COL4A1: variants seen among roughly 807,000 people sequenced by gnomAD.
COL4A1 encodes collagen alpha-1(IV) chain.
In COL4A1, 40 loss-of-function variants were observed where a neutral mutation model predicts 216.6. That is an observed-to-expected ratio of 0.18 (90% confidence interval 0.14 to 0.24). The LOEUF is 0.24. Ranked by LOEUF, COL4A1 falls within the 10% of genes least tolerant of loss-of-function variation. The probability of loss-of-function intolerance (pLI) is 1.00; values close to 1 mark genes in which losing one functional copy is unlikely to be tolerated. For synonymous variants in COL4A1, 839 were observed against 810.7 expected, an observed-to-expected ratio of 1.03 and a Z score of -0.59; for missense variants, 1,628 against 2,196.8, an observed-to-expected ratio of 0.74 and a Z score of 5.18.
chr13:110,150,015 AT>A lies in COL4A1; in HGVS notation c.*347del, dbSNP rs1275068665. 2.8e-6 allele frequency: 1 copy of A among 356,032 alleles called. No individual in the cohort carries two copies. The highest frequency in any genetic ancestry group is 4.0e-5 in the Admixed American group (1 of 24,888). The allele number at this position is 356,032 out of a possible 1,614,324, so 22.1% of individuals were successfully genotyped here. A position where few individuals can be genotyped will look rare whatever the true frequency, so the allele number is the denominator to read the frequency against. ...AATTAATTATAATACAAGAATGAAA[AT>A]GGGCAAACAGTATGGAAGGCACCCA... On this transcript the variant is annotated 3_prime_UTR_variant, in exon 52 of 52. Coordinates refer to ENST00000375820, the MANE Select transcript of COL4A1 (RefSeq NM_001845.6).
chr13:110,298,113 A>G (rs1049700546), intron 1 of COL4A1, among the ~76,000 whole-genome samples: 1 of 152,186 alleles, frequency 6.6e-6, no homozygotes, highest in African/African-American at 2.4e-5. Flanking sequence ...TCAACATGAA[A>G]TAATAAAGAA....
rs115735851 is a variant in COL4A1 at position 110,301,799 on chromosome 13, G to A, written c.84+5145C>T. On this transcript the variant is annotated intron_variant, in intron 1 of 51. Coordinates refer to ENST00000375820, the MANE Select transcript of COL4A1 (RefSeq NM_001845.6). ...ATCCTTCCTTACAGTTACCAAAGCC[G>A]TATGTCGAGGAGTAGCAAGGAACGA... Among the ~76,000 whole-genome samples the A allele has an allele frequency of 5.9e-3, 893 of 152,280 alleles. 9 individuals carry two copies. Among genetic ancestry groups the A allele is most frequent in the African/African-American group, 0.02 (832 of 41,544 alleles).
In COL4A1 at chr13:110,149,197, G is replaced by C. The variant is rs1446256618; in HGVS notation, c.*1166C>G. The stretch of plus-strand genomic sequence containing the variant: ...AATGTCATTTCAGGCCTAGTGGTCC[G>C]AATCTGCCCTCCTGCGGTCCATGCG... On this transcript the variant is annotated 3_prime_UTR_variant, in exon 52 of 52. Coordinates refer to ENST00000375820, the MANE Select transcript of COL4A1 (RefSeq NM_001845.6). 1 of 154,698 alleles carries C rather than the reference G, an allele frequency of 6.5e-6. No homozygotes were observed. The highest frequency in any genetic ancestry group is 2.4e-5 in the African/African-American group (1 of 41,486). The allele number at this position is 154,698 out of a possible 1,614,324, so 9.6% of individuals were successfully genotyped here. A position where few individuals can be genotyped will look rare whatever the true frequency, so the allele number is the denominator to read the frequency against.
At chr13:110,236,527 G>A (rs1488465494) in intron 2 of COL4A1, among the ~76,000 whole-genome samples, 2 of 152,208 alleles carry the variant, frequency 1.3e-5, no homozygotes, top group African/African-American at 4.8e-5. Context: ...AAAAGAAGAT[G>A]CCTCTTCCAG....
At chr13:110,289,166 T>G (rs1000232875) in intron 1 of COL4A1, among the ~76,000 whole-genome samples, 1 of 152,202 alleles carries the variant, frequency 6.6e-6, no homozygotes, top group African/African-American at 2.4e-5. Flanking sequence ...TGGCGAGTGC[T>G]GGATTCCTAA....
At chr13:110,229,976 G>C (rs921316666) in intron 2 of COL4A1, among the ~76,000 whole-genome samples, 2 of 152,146 alleles carry the variant, frequency 1.3e-5, no homozygotes, top group African/African-American at 4.8e-5. Context: ...CTCCCAGCTT[G>C]GCCCACCAGC....
At chr13:110,165,355 C>T (rs73609546) in intron 45 of COL4A1, among the ~76,000 whole-genome samples, 2,387 of 152,136 alleles carry the variant, frequency 0.016, 80 homozygotes, top group African/African-American at 0.055. Context: ...TGCCACTCTG[C>T]GATTAGGACA....
intron 31 of COL4A1, among the ~76,000 whole-genome samples, 197 bp from the exon 32 acceptor site, chr13:110,178,428 G>T (rs990819516): frequency 6.6e-6 from 1 of 152,186 alleles, no homozygotes; most frequent in Non-Finnish European, 1.5e-5. Flanking sequence ...TAAAAGAAAA[G>T]CACTCCCCTT....
intron 1 of COL4A1, among the ~76,000 whole-genome samples, chr13:110,294,076 G>A (rs567587166): frequency 1.3e-5 from 2 of 152,132 alleles, no homozygotes; most frequent in Admixed American, 6.5e-5. Context: ...CTCCAGGTTT[G>A]AGTAGGCGCT....
intron 1 of COL4A1, among the ~76,000 whole-genome samples, chr13:110,253,912 C>T (rs1882394604): frequency 6.6e-6 from 1 of 151,808 alleles, no homozygotes; most frequent in South Asian, 2.1e-4. Context: ...TGCCCATCAA[C>T]ATGATTAATT....
chr13:110,239,546 A>G (rs1342986083), intron 2 of COL4A1, among the ~76,000 whole-genome samples: 2 of 152,254 alleles, frequency 1.3e-5, no homozygotes, highest in East Asian at 1.9e-4. Context: ...ACATTTGAGA[A>G]TATCAAAATA....
intron 2 of COL4A1, among the ~76,000 whole-genome samples, chr13:110,225,916 A>G (rs1417715014): frequency 6.6e-6 from 1 of 152,244 alleles, no homozygotes; most frequent in Non-Finnish European, 1.5e-5. Flanking sequence ...TTTACCTGGC[A>G]GCATTATTTT....
rs1484362664 is a variant in COL4A1, at chr13:110,178,244, G to A, written c.2459-13C>T. On this transcript the variant is annotated splice_polypyrimidine_tract_variant and intron_variant, in intron 31 of 51. Coordinates refer to ENST00000375820, the MANE Select transcript of COL4A1 (RefSeq NM_001845.6). ...ATTCCAGGAGGGCCTGCAGTTGGGT[G>A]AAACACAAATAACTTTTAGCAGAAT... 1.2e-6 allele frequency: 2 copies of A among 1,613,560 alleles called. No individual in the cohort carries two copies. The highest frequency in any genetic ancestry group is 2.2e-5 in the East Asian group (1 of 44,878).
intron 34 of COL4A1, 54 bp from the exon 35 acceptor site, chr13:110,176,778 G>T: frequency 6.2e-7 from 1 of 1,613,376 alleles, no homozygotes; most frequent in South Asian, 1.1e-5. Context: ...CAAGCAAGTT[G>T]CTGCAGAAAC....
At chr13:110,156,212 T>C (rs892102178) in intron 49 of COL4A1, among the ~76,000 whole-genome samples, 18 of 152,182 alleles carry the variant, frequency 1.2e-4, no homozygotes, top group Non-Finnish European at 7.3e-5. Flanking sequence ...TCTTTGGGCA[T>C]TTGAGTGTTT....
At chr13:110,304,633 G>A (rs529261244) in intron 1 of COL4A1, among the ~76,000 whole-genome samples, 5 of 152,316 alleles carry the variant, frequency 3.3e-5, no homozygotes, top group East Asian at 3.9e-4. Flanking sequence ...AGGGAGGAGC[G>A]GGGAGTAGAG....
chr13:110,272,306 T>C (rs950990487), intron 1 of COL4A1, among the ~76,000 whole-genome samples: 4 of 152,326 alleles, frequency 2.6e-5, no homozygotes, highest in Non-Finnish European at 5.9e-5. Context: ...TAATTTCACA[T>C]AGACCGTAGA....
At chr13:110,226,240 C>T (rs1372774599) in intron 2 of COL4A1, among the ~76,000 whole-genome samples, 4 of 152,136 alleles carry the variant, frequency 2.6e-5, no homozygotes, top group Admixed American at 6.5e-5. Context: ...AGAAACTCCC[C>T]CCTTTATCTT....
At chr13:110,175,992 G>A (rs1877865749) in intron 36 of COL4A1, among the ~76,000 whole-genome samples, 1 of 152,156 alleles carries the variant, frequency 6.6e-6, no homozygotes. Context: ...CACTACAATA[G>A]ACACTGATGG....
Sources: allele counts gnomAD v4.1 joint callset (sites outside exome capture counted in the v4.1 genomes callset), GRCh38; gene constraint gnomAD v4.1.1; transcripts MANE v1.5; gene names NCBI Gene and HGNC (gene_info 2026-07-23, HGNC 2026-07-21).